The following ABHD2 variants were observed in gnomAD, a reference collection of about 807,000 sequenced individuals.
ABHD2 encodes abhydrolase domain containing 2, acylglycerol lipase.
ABHD2 carries 20 observed loss-of-function variants against 48.1 expected under a neutral mutation model. The observed-to-expected ratio is 0.42, with a 90% confidence interval of 0.29 to 0.60. ABHD2 has a LOEUF of 0.60. Ranked by LOEUF, ABHD2 falls within the 20% of genes least tolerant of loss-of-function variation. ABHD2 has a pLI of 0.24. For synonymous variants in ABHD2, 209 were observed against 214.2 expected (o/e 0.98, Z 0.21); for missense variants, 405 against 550.9 (o/e 0.74, Z 2.65).
rs2051261244 is a variant in ABHD2, at chr15:89,189,044, T to C, written c.926+741T>C. On this transcript the variant is annotated intron_variant, in intron 8 of 10. Transcript: ENST00000352732. This position sits in a 1 kb window ranked among gnomAD's most constrained non-coding sequence, Gnocchi z 4.9. ...CATTCATCTACTCTTTATCTGCCTC[T>C]CTCCTCCAGGCACCTGAGGTTGCAG... Among the ~76,000 whole-genome samples the C allele has an allele frequency of 6.6e-6, 1 of 152,160 alleles. No individual in the cohort carries two copies. Among genetic ancestry groups the C allele is most frequent in the African/African-American group, 2.4e-5 (1 of 41,454 alleles).
Position 89,175,640 on chromosome 15 carries a change from A to G in ABHD2, c.539-172A>G, listed in dbSNP as rs2050999115. Among the ~76,000 whole-genome samples the G allele has an allele frequency of 6.6e-6, 1 of 152,154 alleles. No homozygotes were observed. The highest frequency in any genetic ancestry group is 1.5e-5 in the Non-Finnish European group (1 of 68,020). On this transcript the variant is annotated intron_variant, in intron 5 of 10. Transcript: ENST00000352732. This position sits in a 1 kb window ranked among gnomAD's most constrained non-coding sequence, Gnocchi z 5.7. ...ACTTCTGTCTGGATAGCCAAAGAGC[A>G]GTGTCTGTCTCTCTCTCCACACACA... is the stretch of plus-strand genomic sequence containing the variant.
At chr15:89,049,474 G>T in the ABHD2 span, among the ~76,000 whole-genome samples, 5 of 152,202 alleles carry the variant, frequency 3.3e-5, no homozygotes, top group Admixed American at 2.6e-4. Context: ...AATGGCGGGC[G>T]CCCCTCCCCC....
chr15:89,161,759 T>C (rs1168469260), intron 5 of ABHD2, among the ~76,000 whole-genome samples: 1 of 152,228 alleles, frequency 6.6e-6, no homozygotes, highest in Non-Finnish European at 1.5e-5. Flanking sequence ...TGTGACTATT[T>C]CCAGTGTGCA....
chr15:89,151,671 CT>C lies in ABHD2; in HGVS notation c.195-3del. 29 of 1,613,066 alleles carry C rather than the reference CT, an allele frequency of 1.8e-5. No individual in the cohort carries two copies. The highest frequency in any genetic ancestry group is 2.2e-5 in the Non-Finnish European group (26 of 1,179,312). Reference sequence around the variant, plus strand: ...AGAAAATTGACCTCCCTTGTCCTTTCTTTAGATACATTCCACCGTTGATCTG... The same window carrying C: ...AGAAAATTGACCTCCCTTGTCCTTTCTTAGATACATTCCACCGTTGATCTG... On this transcript the variant is annotated splice_polypyrimidine_tract_variant and splice_region_variant and intron_variant, in intron 3 of 10. Coordinates refer to ENST00000352732, the MANE Select transcript of ABHD2 (RefSeq NM_152924.5). This position sits in a 1 kb window ranked among gnomAD's most constrained non-coding sequence, Gnocchi z 4.7.
At chr15:89,056,907 C>CT in the ABHD2 span, among the ~76,000 whole-genome samples, 7 of 119,112 alleles carry the variant, frequency 5.9e-5, no homozygotes, top group East Asian at 2.3e-4. Context: ...ATAAGTGATA[C>CT]CTTTTTTTTT....
At chr15:89,111,874 C>T (rs2049880624) in intron 1 of ABHD2, among the ~76,000 whole-genome samples, 1 of 152,144 alleles carries the variant, frequency 6.6e-6, no homozygotes. Flanking sequence ...ATAAAAGGCA[C>T]TACATCTTGT....
At chr15:89,141,308 C>T (rs935382778) in intron 3 of ABHD2, among the ~76,000 whole-genome samples, 1 of 152,118 alleles carries the variant, frequency 6.6e-6, no homozygotes, top group East Asian at 1.9e-4. Context: ...AACTTGAGAA[C>T]CAAGCTGCGG....
chr15:89,171,019 G>C (rs992631640), intron 5 of ABHD2, among the ~76,000 whole-genome samples: 2 of 152,138 alleles, frequency 1.3e-5, no homozygotes, highest in Non-Finnish European at 1.5e-5. Flanking sequence ...ACGAGGCTGA[G>C]GCAGGAGAAT....
At position 89,175,393 on chromosome 15, in the gene ABHD2, G is replaced by T. The variant is rs1422865844; in HGVS notation, c.539-419G>T. Among the ~76,000 whole-genome samples, 1 of 151,976 alleles carries T rather than the reference G, an allele frequency of 6.6e-6. No homozygotes were observed. Among genetic ancestry groups the T allele is most frequent in the Non-Finnish European group, 1.5e-5 (1 of 67,974 alleles). On this transcript the variant is annotated intron_variant, in intron 5 of 10. Transcript: ENST00000352732. This position sits in a 1 kb window ranked among gnomAD's most constrained non-coding sequence, Gnocchi z 5.7. ...GGACACACCTGTAGTGTGTAGAGGTGGGGTCTCACCATTTTGTCCAGGCTG... is the reference window on the plus strand; with the variant it reads ...GGACACACCTGTAGTGTGTAGAGGTTGGGTCTCACCATTTTGTCCAGGCTG...
chr15:89,160,814 T>C (rs995071106), intron 5 of ABHD2, among the ~76,000 whole-genome samples: 2 of 152,186 alleles, frequency 1.3e-5, no homozygotes, highest in African/African-American at 4.8e-5. Context: ...GGTCACACTT[T>C]ATTGGTCAAA....
intron 7 of ABHD2, among the ~76,000 whole-genome samples, chr15:89,187,814 G>A (rs1252947261): frequency 6.6e-6 from 1 of 152,188 alleles, no homozygotes; most frequent in Non-Finnish European, 1.5e-5. Context: ...AACACAAACA[G>A]CTCATTAAGG....
At position 89,177,501 on chromosome 15, in the gene ABHD2, A is replaced by G. The variant is rs928344952; in HGVS notation, c.722+1506A>G. Among the ~76,000 whole-genome samples, 4 of 152,116 alleles carry G rather than the reference A, an allele frequency of 2.6e-5. No homozygotes were observed. Among genetic ancestry groups the G allele is most frequent in the African/African-American group, 7.2e-5 (3 of 41,418 alleles). ...TGAAGTTGGAGGCATGGGACCTCAG[A>G]AGTCTGCATTTTGGATACATTTCAT... On this transcript the variant is annotated intron_variant, in intron 6 of 10. Coordinates refer to ENST00000352732, the MANE Select transcript of ABHD2 (RefSeq NM_152924.5). The surrounding 1 kb of genome is among the most constrained non-coding windows in gnomAD (Gnocchi z 5.6).
upstream of ABHD2, among the ~76,000 whole-genome samples, chr15:89,085,026 A>C (rs1446521491): frequency 6.6e-6 from 1 of 152,202 alleles, no homozygotes; most frequent in African/African-American, 2.4e-5. The surrounding 1 kb of genome is among the most constrained non-coding windows in gnomAD (Gnocchi z 4.2). Context: ...AACTGAGTGA[A>C]TTGCTGATTT....
At chr15:89,119,168 G>T (rs2050008505) in intron 3 of ABHD2, among the ~76,000 whole-genome samples, 2 of 152,222 alleles carry the variant, frequency 1.3e-5, no homozygotes, top group African/African-American at 2.4e-5. Context: ...GAAGGTGTAT[G>T]TGAAGGGACA....
chr15:89,126,982 A>G (rs1410760280), intron 3 of ABHD2, among the ~76,000 whole-genome samples: 2 of 150,928 alleles, frequency 1.3e-5, no homozygotes, highest in Non-Finnish European at 2.9e-5. Context: ...TATAACTAAT[A>G]CAGAAGGCTG....
chr15:89,122,506 C>T (rs2050067812), intron 3 of ABHD2, among the ~76,000 whole-genome samples: 1 of 152,204 alleles, frequency 6.6e-6, no homozygotes, highest in African/African-American at 2.4e-5. Context: ...TTCAATGGTG[C>T]TCTAGGGAAT....
intron 2 of ABHD2, among the ~76,000 whole-genome samples, chr15:89,115,370 ATGTGTGTGTGTGTGTGTGT>A (rs2049939565): frequency 9.9e-6 from 1 of 100,634 alleles, no homozygotes; most frequent in African/African-American, 4.1e-5. Flanking sequence ...GTTTGGAGGT[ATGTGTGTGTGTGTGTGTGT>A]GTGTGTGTGT....
chr15:89,059,976 GC>G, the ABHD2 span, among the ~76,000 whole-genome samples: 2 of 151,812 alleles, frequency 1.3e-5, no homozygotes, highest in East Asian at 3.8e-4. Context: ...GGTCTTCCAG[GC>G]ATTTATGCAG....
intron 1 of ABHD2, among the ~76,000 whole-genome samples, chr15:89,089,177 G>C (rs188416007): frequency 3.3e-5 from 5 of 152,388 alleles, no homozygotes; most frequent in African/African-American, 1.2e-4. Flanking sequence ...AGGCCGGGCA[G>C]CTAGCGCCTC....
Sources: gnomAD v4.1 joint callset for allele counts (sites outside exome capture counted in the v4.1 genomes callset) on GRCh38, gnomAD v4.1.1 for gene constraint, Gnocchi (gnomAD v3.1) non-coding constraint, MANE v1.5 for transcripts, NCBI Gene and HGNC (gene_info 2026-07-23, HGNC 2026-07-21) for gene names.